The following CNBD1 variants were observed in gnomAD, a reference collection of about 807,000 sequenced individuals.
The protein encoded by CNBD1 is cyclic nucleotide-binding domain-containing protein 1.
A neutral mutation model predicts 54.4 loss-of-function variants in CNBD1; 71 were observed. The observed-to-expected ratio is 1.30, with a 90% CI of 1.08 to 1.59. The LOEUF is 1.59. Among genes scored for constraint, CNBD1 ranks in the 40% most tolerant of loss-of-function variants. The pLI, the probability that CNBD1 is intolerant of heterozygous loss-of-function variation, is 0.00. For missense variants in CNBD1, 659 were observed against 518.0 expected (o/e 1.27, Z -2.64); for synonymous variants, 182 against 170.7 (o/e 1.07, Z -0.51).
At chr8:87,190,482 T>G (rs1813578186) in intron 4 of CNBD1, among the ~76,000 whole-genome samples, 1 of 152,304 alleles carries the variant, frequency 6.6e-6, no homozygotes, top group Non-Finnish European at 1.5e-5. Flanking sequence ...TTATTCCATA[T>G]TCTTTTTTGT....
intron 5 of CNBD1, among the ~76,000 whole-genome samples, chr8:87,231,442 A>T (rs1437320910): frequency 6.6e-6 from 1 of 152,174 alleles, no homozygotes; most frequent in African/African-American, 2.4e-5. Flanking sequence ...TGGCTCTACC[A>T]CTACTAGCTC....
In CNBD1 at chr8:86,988,290, A is replaced by C. The variant is rs145189569; in HGVS notation, c.431+48536A>C. On this transcript the variant is annotated intron_variant, in intron 4 of 10. Transcript: ENST00000518476. ...CCACTAGGTTTTCTAATTTGCGTGC[A>C]TTCAGTTGGTCATAATAGTCTCTGA... Among the ~76,000 whole-genome samples the C allele has an allele frequency of 3.5e-3, 535 of 151,928 alleles. 2 individuals are homozygous for C. Among genetic ancestry groups the C allele is most frequent in the African/African-American group, 0.012 (517 of 41,450 alleles).
intron 8 of CNBD1, among the ~76,000 whole-genome samples, chr8:87,318,413 A>C (rs1427653766): frequency 6.6e-6 from 1 of 152,114 alleles, no homozygotes; most frequent in Non-Finnish European, 1.5e-5. Flanking sequence ...GCAGGATCAG[A>C]ACAGTGTTTA....
intron 4 of CNBD1, among the ~76,000 whole-genome samples, chr8:87,198,477 A>T (rs1424757910): frequency 6.6e-6 from 1 of 152,234 alleles, no homozygotes; most frequent in African/African-American, 2.4e-5. Flanking sequence ...TATCCCATAT[A>T]TGGAAACAAA....
intron 4 of CNBD1, among the ~76,000 whole-genome samples, chr8:87,040,423 C>CT (rs71277911): frequency 0.25 from 32,902 of 129,290 alleles, 4,415 homozygotes; most frequent in South Asian, 0.38. Flanking sequence ...AATTCTTTTT[C>CT]TTTTTTTTTT....
chr8:87,271,681 A>G (rs990410017), intron 6 of CNBD1, among the ~76,000 whole-genome samples: 2 of 152,012 alleles, frequency 1.3e-5, no homozygotes, highest in African/African-American at 2.4e-5. Context: ...TATAGCCACT[A>G]TGGAAAACAG....
intron 8 of CNBD1, among the ~76,000 whole-genome samples, chr8:87,299,339 C>A (rs536498663): frequency 1.1e-4 from 17 of 152,150 alleles, no homozygotes; most frequent in South Asian, 1.0e-3. Flanking sequence ...GATCACAATG[C>A]GGTTTGTAGA....
chr8:87,097,849 C>T (rs748365374), intron 4 of CNBD1, among the ~76,000 whole-genome samples: 1 of 152,180 alleles, frequency 6.6e-6, no homozygotes, highest in South Asian at 2.1e-4. Context: ...AAATTAACTT[C>T]GTGATCTGTC....
At chr8:87,402,079 T>C (rs1326957748) in intron 2 of CNBD1, among the ~76,000 whole-genome samples, 1 of 151,908 alleles carries the variant, frequency 6.6e-6, no homozygotes, top group Admixed American at 6.6e-5. Flanking sequence ...ACAATCATGG[T>C]GGAAGGTGAA....
chr8:87,271,706 A>G (rs2130858503), intron 6 of CNBD1, among the ~76,000 whole-genome samples: 1 of 152,138 alleles, frequency 6.6e-6, no homozygotes, highest in Non-Finnish European at 1.5e-5. Flanking sequence ...GAGGTTCCTC[A>G]GATAACTAGA....
At chr8:87,010,373 T>C (rs550151834) in intron 4 of CNBD1, among the ~76,000 whole-genome samples, 1 of 152,312 alleles carries the variant, frequency 6.6e-6, no homozygotes, top group South Asian at 2.1e-4. Context: ...TTATATCTAA[T>C]ATGTGGTTAA....
chr8:86,907,485 T>C (rs1201257779), intron 3 of CNBD1, among the ~76,000 whole-genome samples: 1 of 151,820 alleles, frequency 6.6e-6, no homozygotes, highest in Non-Finnish European at 1.5e-5. Context: ...CTGGCCAACA[T>C]GGTGAAACCC....
At chr8:87,428,446 A>G in intron 2 of CNBD1, 1 of 307,626 alleles carries the variant, frequency 3.3e-6, no homozygotes, top group South Asian at 2.5e-5. Flanking sequence ...AATTTTGTCT[A>G]CTATTTTGAA....
Position 87,225,451 on chromosome 8 carries a change from G to C in CNBD1, c.578-11468G>C, listed in dbSNP as rs1225033721. 1.2e-4 allele frequency among the ~76,000 whole-genome samples: 18 copies of C among 151,546 alleles called. No homozygotes were observed. The East Asian group carries it at 1.6e-3, about 13-fold the overall frequency. ...TTTATTGAGAGTTTTTAGCATGAAG[G>C]GTTGTTGAATTTTGTCAAAGGCCTT... On this transcript the variant is annotated intron_variant, in intron 5 of 10. Transcript: ENST00000518476.
At chr8:87,335,903 G>T (rs1809936909) in intron 8 of CNBD1, among the ~76,000 whole-genome samples, 1 of 152,118 alleles carries the variant, frequency 6.6e-6, no homozygotes, top group African/African-American at 2.4e-5. Context: ...AGGCCTGGTG[G>T]TGATGAATTC....
intron 8 of CNBD1, among the ~76,000 whole-genome samples, chr8:87,348,385 T>G (rs1202463599): frequency 2.0e-5 from 3 of 152,210 alleles, no homozygotes; most frequent in African/African-American, 7.2e-5. Flanking sequence ...GTAAAGCCCT[T>G]TCTAACCAAG....
At chr8:87,384,506 G>A (rs1281368754), downstream of CNBD1, among the ~76,000 whole-genome samples, 1 of 152,002 alleles carries the variant, frequency 6.6e-6, no homozygotes. Context: ...GGGGATCAAG[G>A]CGGATCTCAG....
downstream of CNBD1, chr8:87,382,862 T>C (rs1253966678): frequency 5.1e-6 from 2 of 391,304 alleles, no homozygotes; most frequent in African/African-American, 4.1e-5. Flanking sequence ...TTGATTTACC[T>C]CTGTTGATAC....
chr8:87,020,356 A>G (rs1809460131), intron 4 of CNBD1, among the ~76,000 whole-genome samples: 1 of 152,234 alleles, frequency 6.6e-6, no homozygotes, highest in Non-Finnish European at 1.5e-5. Context: ...ATCAGACTAC[A>G]TGGGAATAAG....
Sources: gnomAD v4.1 joint callset for allele counts (sites outside exome capture counted in the v4.1 genomes callset) on GRCh38, gnomAD v4.1.1 for gene constraint, MANE v1.5 for transcripts, NCBI Gene and HGNC (gene_info 2026-07-23, HGNC 2026-07-21) for gene names.